TENM2: variants seen among roughly 807,000 people sequenced by gnomAD.
TENM2 encodes teneurin-2.
A neutral mutation model predicts 245.2 loss-of-function variants in TENM2; 52 were observed. That is an observed-to-expected ratio of 0.21 (90% confidence interval 0.17 to 0.27). The LOEUF (loss-of-function observed/expected upper bound fraction) is 0.27. TENM2 is among the 10% of genes least tolerant of loss of function. TENM2 has a pLI of 1.00. For synonymous variants in TENM2, 1,363 were observed against 1,438.9 expected (o/e 0.95, Z 1.19); for missense variants, 3,046 against 3,666.8 (o/e 0.83, Z 4.37).
At chr5:167,251,758 T>C in the TENM2 span, among the ~76,000 whole-genome samples, 3 of 152,176 alleles carry the variant, frequency 2.0e-5, no homozygotes, top group Non-Finnish European at 4.4e-5. Context: ...TTTGGACTTC[T>C]GTTTGGTGAG....
chr5:167,433,832 C>T (rs533761561), intron 2 of TENM2, among the ~76,000 whole-genome samples: 10 of 152,080 alleles, frequency 6.6e-5, no homozygotes, highest in African/African-American at 2.4e-4. Flanking sequence ...ATGAGGAAAG[C>T]CTCCTAATCT....
At chr5:167,973,973 G>A (rs78300591) in intron 4 of TENM2, among the ~76,000 whole-genome samples, 31,040 of 117,986 alleles carry the variant, frequency 0.26, 5,094 homozygotes, top group East Asian at 0.38. Context: ...AAGTTAACCA[G>A]TGCCTCTGAT....
exon 5 of TENM2, chr5:167,993,034 G>T (rs200992047): frequency 6.2e-7 from 1 of 1,613,866 alleles, no homozygotes; most frequent in South Asian, 1.1e-5. Flanking sequence ...CGGTTTACAC[G>T]CCCCCGCCCC....
intron 6 of TENM2, among the ~76,000 whole-genome samples, chr5:168,051,030 T>C (rs553048037): frequency 6.6e-6 from 1 of 152,306 alleles, no homozygotes; most frequent in African/African-American, 2.4e-5. Context: ...TGGGATTAGA[T>C]AAGCCTTGAG....
chr5:167,542,421 A>C (rs1772276363), intron 2 of TENM2, among the ~76,000 whole-genome samples: 1 of 152,132 alleles, frequency 6.6e-6, no homozygotes, highest in South Asian at 2.1e-4. Flanking sequence ...TGTGAATAAG[A>C]ATCACCATGA....
intron 24 of TENM2, 54 bp downstream of exon 26, chr5:168,226,317 C>G: frequency 6.5e-7 from 1 of 1,532,282 alleles, no homozygotes; most frequent in Non-Finnish European, 8.9e-7. Flanking sequence ...GACCCAGAAC[C>G]CAGCCAAGCC....
At chr5:167,130,385 T>C in the TENM2 span, among the ~76,000 whole-genome samples, 1 of 152,228 alleles carries the variant, frequency 6.6e-6, no homozygotes, top group Non-Finnish European at 1.5e-5. Flanking sequence ...GGCCTACTTC[T>C]AAGCGCTTTT....
chr5:168,130,936 A>T (rs1754520229), intron 12 of TENM2, among the ~76,000 whole-genome samples: 1 of 152,192 alleles, frequency 6.6e-6, no homozygotes, highest in South Asian at 2.1e-4. Flanking sequence ...CAAAGCCTGT[A>T]ACACCAGGAC....
At chr5:167,513,685 C>T (rs533847763) in intron 2 of TENM2, among the ~76,000 whole-genome samples, 1 of 152,244 alleles carries the variant, frequency 6.6e-6, no homozygotes, top group South Asian at 2.1e-4. Flanking sequence ...TATTCTTAGC[C>T]TGGGGCATAG....
At chr5:167,532,302 TCTC>T (rs1226211651) in intron 2 of TENM2, among the ~76,000 whole-genome samples, 2 of 150,668 alleles carry the variant, frequency 1.3e-5, no homozygotes, top group South Asian at 2.3e-4. Context: ...TCTCTCTCTC[TCTC>T]TCTTTTTATA....
At chr5:167,840,337 A>G (rs867254818) in intron 2 of TENM2, among the ~76,000 whole-genome samples, 3 of 152,248 alleles carry the variant, frequency 2.0e-5, no homozygotes, top group Non-Finnish European at 4.4e-5. Context: ...AGTGTGACAC[A>G]TGGATCTAAT....
chr5:167,521,051 G>T (rs1185016439), intron 2 of TENM2, among the ~76,000 whole-genome samples: 1 of 150,936 alleles, frequency 6.6e-6, no homozygotes, highest in Non-Finnish European at 1.5e-5. Flanking sequence ...GGGTCATAGA[G>T]CCAATAACAT....
intron 1 of TENM2, among the ~76,000 whole-genome samples, chr5:167,369,968 T>C (rs1170275708): frequency 6.6e-6 from 1 of 152,244 alleles, no homozygotes; most frequent in East Asian, 1.9e-4. Context: ...CAAAGACATA[T>C]CTCTCCTTAA....
Position 167,727,104 on chromosome 5 carries a change from C to CTTTTTTTTT in TENM2, c.503-148867_503-148859dup, listed in dbSNP as rs1227700479. Among the ~76,000 whole-genome samples the CTTTTTTTTT allele has an allele frequency of 4.3e-4, 41 of 96,116 alleles. 1 individual carries two copies. The highest frequency in any genetic ancestry group is 1.1e-3 in the East Asian group (3 of 2,620). 63.1% of individuals were successfully genotyped at this position (96,116 alleles called of 152,430 possible). A position where few individuals can be genotyped will look rare whatever the true frequency, so the allele number is the denominator to read the frequency against. The stretch of plus-strand genomic sequence containing the variant: ...AAATCAGTAATGAATCCATTAATTT[C>CTTTTTTTTT]TTTTTTTTTTTTTTTTTTTTTTTGA... On this transcript the variant is annotated intron_variant, in intron 2 of 28. Coordinates refer to ENST00000518659, the Ensembl canonical transcript of TENM2.
chr5:167,708,861 A>C (rs1323830379), intron 2 of TENM2, among the ~76,000 whole-genome samples: 1 of 152,188 alleles, frequency 6.6e-6, no homozygotes, highest in Non-Finnish European at 1.5e-5. Context: ...AGTATATAAG[A>C]GATTGTAATT....
chr5:167,929,418 C>T (rs1336155696), intron 3 of TENM2, among the ~76,000 whole-genome samples: 1 of 152,192 alleles, frequency 6.6e-6, no homozygotes, highest in Non-Finnish European at 1.5e-5. Context: ...ATATGAGTTT[C>T]TATTATGTTA....
chr5:168,198,873 G>T (rs556164563), exon 16 of TENM2: 1 of 1,613,882 alleles, frequency 6.2e-7, no homozygotes, highest in Non-Finnish European at 8.5e-7. Flanking sequence ...ATCGCAAATG[G>T]AGGTGCTTCC....
chr5:167,511,580 AT>A (rs1489947512), intron 2 of TENM2, among the ~76,000 whole-genome samples: 1 of 152,212 alleles, frequency 6.6e-6, no homozygotes, highest in East Asian at 1.9e-4. Flanking sequence ...GCAGAGAGAA[AT>A]TTACTTCTTA....
chr5:167,722,914 A>G (rs1417839786), intron 2 of TENM2, among the ~76,000 whole-genome samples: 1 of 152,190 alleles, frequency 6.6e-6, no homozygotes, highest in Admixed American at 6.5e-5. Flanking sequence ...GTCACGGAGA[A>G]ATGAGGCAGT....
Sources: allele counts gnomAD v4.1 joint callset (sites outside exome capture counted in the v4.1 genomes callset), GRCh38; gene constraint gnomAD v4.1.1; transcripts MANE v1.5; gene names NCBI Gene and HGNC (gene_info 2026-07-23, HGNC 2026-07-21).